Variants in BMP4 observed in about 807,000 individuals in gnomAD.
BMP4 encodes bone morphogenetic protein 4.
BMP4 carries 3 observed loss-of-function variants against 29.6 expected under a neutral mutation model. That is an observed-to-expected ratio of 0.10 (90% CI 0.05 to 0.26). The LOEUF is 0.26. Ranked by LOEUF, BMP4 falls within the 10% of genes least tolerant of loss-of-function variation. BMP4 has a pLI of 1.00. For synonymous variants in BMP4, 197 were observed against 213.2 expected (o/e 0.92, Z 0.66); for missense variants, 455 against 550.2 (o/e 0.83, Z 1.73).
At chr14:53,952,834 T>A (rs59035991) in intron 2 of BMP4, among the ~76,000 whole-genome samples, 13,424 of 152,032 alleles carry the variant, frequency 0.088, 870 homozygotes, top group African/African-American at 0.18. Flanking sequence ...GCCGATGAGT[T>A]TGAAATATTC....
Position 53,951,897 on chromosome 14 carries a change from C to A in BMP4, c.326G>T (p.Arg109Leu), listed in dbSNP as rs773235106. ...IHSTGLEYPE[R>L]PASRANTVRS... Reference sequence around the variant, plus strand: ...CACGGTGTTGGCCCGGCTGGCCGGGCGCTCAGGATACTCAAGACCAGTGCT... The same window carrying A: ...CACGGTGTTGGCCCGGCTGGCCGGGAGCTCAGGATACTCAAGACCAGTGCT... Residue 109 changes from arginine (R) to leucine (L), a missense_variant, in exon 3 of 4, where the codon CGC (arginine) becomes CTC (leucine). This residue lies in a region of BMP4 where 249 missense variants were observed against 284.6 expected (regional missense o/e 0.87). Transcript: ENST00000245451. 9 of 1,601,088 alleles carry A rather than the reference C, an allele frequency of 5.6e-6. No individual in the cohort carries two copies. The East Asian group carries it at 8.9e-5, about 16-fold the overall frequency.
Position 53,950,520 on chromosome 14 carries a change from G to C in BMP4, c.739C>G (p.His247Asp), listed in dbSNP as rs1217451740. The C allele has an allele frequency of 6.2e-7, 1 of 1,614,088 alleles. No homozygotes were observed. The highest frequency in any genetic ancestry group is 1.7e-5 in the Admixed American group (1 of 60,010). Residue 247 changes from histidine (H) to aspartate (D), a missense_variant, in exon 4 of 4, where the codon CAC becomes GAC. Coordinates refer to ENST00000245451, the MANE Select transcript of BMP4 (RefSeq NM_001202.6). The surrounding 1 kb of genome is among the most constrained non-coding windows in gnomAD (Gnocchi z 5.4). ...CTAATCCTGACATGCTGGCCCTGGTGGGTCCGAGTCTGATGGAGGTGAGTC... is the reference window on the plus strand; with the variant it reads ...CTAATCCTGACATGCTGGCCCTGGTCGGTCCGAGTCTGATGGAGGTGAGTC... ...EVTHLHQTRTHQGQHVRISRS... is the reference protein window; with the variant it reads ...EVTHLHQTRTDQGQHVRISRS...
chr14:53,952,362 C>G lies in BMP4; in HGVS notation c.-7-133G>C, dbSNP rs79762003. On this transcript the variant is annotated intron_variant, in intron 2 of 3. Coordinates refer to ENST00000245451, the MANE Select transcript of BMP4 (RefSeq NM_001202.6). ...AAGATGGAAAGCAGGTCAGAAAGAT[C>G]AAGTTTGTGTCTTCTCCCTCACACC... is the stretch of plus-strand genomic sequence containing the variant. The G allele has an allele frequency of 5.0e-3, 5,760 of 1,157,318 alleles. 209 individuals carry two copies. The African/African-American group carries it at 0.079, about 16-fold the overall frequency. The allele number at this position is 1,157,318 out of a possible 1,614,324, so 71.7% of individuals were successfully genotyped here. A position where few individuals can be genotyped will look rare whatever the true frequency, so the allele number is the denominator to read the frequency against.
At position 53,955,571 on chromosome 14, in the gene BMP4, T is replaced by A. The variant is rs1451193714; in HGVS notation, c.-133+979A>T. The A allele has an allele frequency of 1.3e-5, 2 of 152,260 alleles. No homozygotes were observed. Among genetic ancestry groups the A allele is most frequent in the African/African-American group, 2.4e-5 (1 of 41,454 alleles). The allele number at this position is 152,260 out of a possible 1,614,324, so 9.4% of individuals were successfully genotyped here. A position where few individuals can be genotyped will look rare whatever the true frequency, so the allele number is the denominator to read the frequency against. ...CCTAATGCCGAAATGTGTTTACAGGTAGCCTCAGTTTACCAAGTATGTATC... is the reference window on the plus strand; with the variant it reads ...CCTAATGCCGAAATGTGTTTACAGGAAGCCTCAGTTTACCAAGTATGTATC... On this transcript the variant is annotated intron_variant, in intron 1 of 3. Coordinates refer to ENST00000245451, the MANE Select transcript of BMP4 (RefSeq NM_001202.6). This position sits in a 1 kb window ranked among gnomAD's most constrained non-coding sequence, Gnocchi z 4.0.
At chr14:53,956,331 G>A (rs915711470) in intron 1 of BMP4, among the ~76,000 whole-genome samples, 8 of 152,214 alleles carry the variant, frequency 5.3e-5, no homozygotes, top group Non-Finnish European at 8.8e-5. Flanking sequence ...TCCCAAAGGT[G>A]AGAATCTCCC....
chr14:53,951,734 C>A, intron 3 of BMP4, 119 bp downstream of exon 3: 2 of 1,454,548 alleles, frequency 1.4e-6, no homozygotes, highest in Non-Finnish European at 1.8e-6. Context: ...CAGCTCTGTT[C>A]CTCAGCCTCC....
Position 53,952,147 on chromosome 14 carries a change from A to G in BMP4, c.76T>C (p.Leu26=), listed in dbSNP as rs74486266. Residue 26 remains leucine (L), a synonymous_variant, in exon 3 of 4, where the codon TTG becomes CTG. Transcript: ENST00000245451. ...TTTTTCTTCCCCGTCTCAGGTATCA[A>G]ACTAGCATGGCTCGCGCCTCCTAGC... ...VLLGGASHAS[L]IPETGKKKVA... 2.7e-3 allele frequency: 4,353 copies of G among 1,614,140 alleles called. 7 individuals are homozygous for G. Among genetic ancestry groups the G allele is most frequent in the Non-Finnish European group, 3.5e-3 (4,101 of 1,179,988 alleles).
chr14:53,952,325 A>G (rs1414559061), intron 2 of BMP4, 96 bp from the exon 3 acceptor site: 1 of 1,431,614 alleles, frequency 7.0e-7, no homozygotes, highest in East Asian at 2.4e-5. Context: ...TTAGGGCTAG[A>G]AATGGAGGGG....
chr14:53,951,608 C>T (rs2085090175), intron 3 of BMP4: 1 of 527,526 alleles, frequency 1.9e-6, no homozygotes, highest in African/African-American at 1.9e-5. Context: ...ATAGCAAAAA[C>T]ACACCGCTGG....
intron 1 of BMP4, among the ~76,000 whole-genome samples, chr14:53,953,748 G>A (rs1037942655): frequency 2.0e-5 from 3 of 152,126 alleles, no homozygotes; most frequent in East Asian, 1.9e-4. Context: ...CCCCCGCGCC[G>A]GGCCACCTGA....
chr14:53,950,968 A>C lies in BMP4; in HGVS notation c.371-80T>G. ...AGATGGAAGAGTCAAGAGATAGCTCAGGGTTGGGCAATGAATGGTGAATTC... is the reference window on the plus strand; with the variant it reads ...AGATGGAAGAGTCAAGAGATAGCTCCGGGTTGGGCAATGAATGGTGAATTC... On this transcript the variant is annotated intron_variant, in intron 3 of 3. Coordinates refer to ENST00000245451, the MANE Select transcript of BMP4 (RefSeq NM_001202.6). The surrounding 1 kb of genome is among the most constrained non-coding windows in gnomAD (Gnocchi z 5.4). The C allele has an allele frequency of 3.4e-4, 538 of 1,561,958 alleles. No homozygotes were observed. The highest frequency in any genetic ancestry group is 4.3e-4 in the Non-Finnish European group (491 of 1,148,420).
In BMP4 at chr14:53,950,635, A is replaced by G. The variant is rs770637496; in HGVS notation, c.624T>C (p.Asn208=). 4.3e-6 allele frequency: 7 copies of G among 1,614,106 alleles called. No individual in the cohort carries two copies. In the Admixed American group the frequency reaches 5.0e-5, roughly 12 times the overall value. Reference sequence around the variant, plus strand: ...CATCAAAAGTTTCCCACCGTGTCACATTGTGGTGGACCAGTCTCGTGTCCA... The same window carrying G: ...CATCAAAAGTTTCCCACCGTGTCACGTTGTGGTGGACCAGTCTCGTGTCCA... The part of the protein sequence containing the change: ...RLLDTRLVHH[N]VTRWETFDVS... Residue 208 remains asparagine (N), a synonymous_variant, in exon 4 of 4, where the codon AAT becomes AAC. Transcript: ENST00000245451. The surrounding 1 kb of genome is among the most constrained non-coding windows in gnomAD (Gnocchi z 5.4).
intron 1 of BMP4, 78 bp from the exon 2 acceptor site, chr14:53,953,478 G>A: frequency 2.5e-6 from 1 of 397,344 alleles, no homozygotes; most frequent in Non-Finnish European, 4.4e-6. Context: ...GGAGTCACGT[G>A]AGCGCCGAGG....
Position 53,950,903 on chromosome 14 carries a change from G to A in BMP4, c.371-15C>T, listed in dbSNP as rs1317468803. Reference sequence around the variant, plus strand: ...CTCCAGATGTTCTAGGCACAGTTAGGAAGGAAGGGGAAAAGAAAAAGCATA... The same window carrying A: ...CTCCAGATGTTCTAGGCACAGTTAGAAAGGAAGGGGAAAAGAAAAAGCATA... On this transcript the variant is annotated splice_polypyrimidine_tract_variant and intron_variant, in intron 3 of 3. Transcript: ENST00000245451. The surrounding 1 kb of genome is among the most constrained non-coding windows in gnomAD (Gnocchi z 5.4). The A allele has an allele frequency of 2.5e-6, 4 of 1,599,706 alleles. No homozygotes were observed. The highest frequency in any genetic ancestry group is 3.4e-6 in the Non-Finnish European group (4 of 1,179,958).
chr14:53,950,119 G>T lies in BMP4; in HGVS notation c.1140C>A (p.Ala380=), dbSNP rs1895297273. ...KACCVPTELS[A]ISMLYLDEYD... ...ACTCATCCAGGTACAGCATGGAGATGGCACTCAGTTCAGTGGGCACACAAC... is the reference window on the plus strand; with the variant it reads ...ACTCATCCAGGTACAGCATGGAGATTGCACTCAGTTCAGTGGGCACACAAC... The change falls in exon 4 of 4, where the codon GCC becomes GCA. Residue 380 remains alanine (A), a synonymous_variant. Coordinates refer to ENST00000245451, the MANE Select transcript of BMP4 (RefSeq NM_001202.6). The surrounding 1 kb of genome is among the most constrained non-coding windows in gnomAD (Gnocchi z 5.4). 2 of 1,614,138 alleles carry T rather than the reference G, an allele frequency of 1.2e-6. No homozygotes were observed. Among genetic ancestry groups the T allele is most frequent in the South Asian group, 2.2e-5 (2 of 91,078 alleles).
In BMP4 at chr14:53,950,412, C is replaced by T; in HGVS notation, c.847G>A (p.Ala283Thr). Residue 283 changes from alanine to threonine, a missense_variant, in exon 4 of 4, where the codon GCC (alanine) becomes ACC (threonine). Around this residue, in one of 4 missense-constraint regions of BMP4, gnomAD observed 154 missense variants for 156.8 expected, o/e 0.98. Coordinates refer to ENST00000245451, the MANE Select transcript of BMP4 (RefSeq NM_001202.6). This position sits in a 1 kb window ranked among gnomAD's most constrained non-coding sequence, Gnocchi z 5.4. ...VTFGHDGRGHALTRRRRAKRS... is the reference protein window; with the variant it reads ...VTFGHDGRGHTLTRRRRAKRS... Reference sequence around the variant, plus strand: ...TTGGCCCTCCGGCGTCGGGTCAAGGCATGGCCCCGGCCATCATGGCCAAAG... The same window carrying T: ...TTGGCCCTCCGGCGTCGGGTCAAGGTATGGCCCCGGCCATCATGGCCAAAG... The T allele has an allele frequency of 6.2e-7, 1 of 1,613,904 alleles. No homozygotes were observed. The highest frequency in any genetic ancestry group is 8.5e-7 in the Non-Finnish European group (1 of 1,179,940).
chr14:53,952,967 C>G (rs963760264), intron 2 of BMP4, among the ~76,000 whole-genome samples: 2 of 152,120 alleles, frequency 1.3e-5, no homozygotes, highest in Non-Finnish European at 2.9e-5. Context: ...GGGGGCTCTC[C>G]CAGACAAGTT....
At position 53,950,267 on chromosome 14, in the gene BMP4, C is replaced by G; in HGVS notation, c.992G>C (p.Gly331Ala). 6.2e-7 allele frequency: 1 copy of G among 1,614,244 alleles called. No homozygotes were observed. Among genetic ancestry groups the G allele is most frequent in the Admixed American group, 1.7e-5 (1 of 60,032 alleles). Residue 331 changes from glycine (G) to alanine (A), a missense_variant, in exon 4 of 4, where the codon GGC (glycine) becomes GCC (alanine). Coordinates refer to ENST00000245451, the MANE Select transcript of BMP4 (RefSeq NM_001202.6). This position sits in a 1 kb window ranked among gnomAD's most constrained non-coding sequence, Gnocchi z 5.4. Reference sequence around the variant, plus strand: ...CCCATGGCAGTAGAAGGCCTGGTAGCCTGGTGGGGCCACAATCCAGTCATT... The same window carrying G: ...CCCATGGCAGTAGAAGGCCTGGTAGGCTGGTGGGGCCACAATCCAGTCATT... ...GWNDWIVAPPGYQAFYCHGDC... is the reference protein window; with the variant it reads ...GWNDWIVAPPAYQAFYCHGDC...
At chr14:53,951,670 C>G (rs1022704669) in intron 3 of BMP4, 183 bp downstream of exon 3, 25 of 948,418 alleles carry the variant, frequency 2.6e-5, no homozygotes, top group Middle Eastern at 3.4e-4. Flanking sequence ...ACACCTCCCC[C>G]TCTGTCTCCA....
Sources: gnomAD v4.1 joint callset for allele counts (sites outside exome capture counted in the v4.1 genomes callset) on GRCh38, gnomAD v4.1.1 for gene constraint, gnomAD v4.1.1 regional missense constraint, Gnocchi (gnomAD v3.1) non-coding constraint, MANE v1.5 for transcripts, NCBI Gene and HGNC (gene_info 2026-07-23, HGNC 2026-07-21) for gene names.